NT5C1B: variants seen among roughly 807,000 people sequenced by gnomAD.
NT5C1B encodes the protein cytosolic 5'-nucleotidase 1B.
A neutral mutation model predicts 57.8 loss-of-function variants in NT5C1B; 44 were observed. That is an observed-to-expected ratio of 0.76 (90% CI 0.60 to 0.98). NT5C1B has a LOEUF of 0.98. NT5C1B is among the 50% of genes least tolerant of loss of function. The pLI, the probability that NT5C1B is intolerant of heterozygous loss-of-function variation, is 0.00. For missense variants in NT5C1B, 742 were observed against 719.5 expected, an observed-to-expected ratio of 1.03 and a Z score of -0.36; for synonymous variants, 284 against 282.6, an observed-to-expected ratio of 1.00 and a Z score of -0.05.
chr2:18,573,695 CT>C (rs2148117631), intron 8 of NT5C1B, among the ~76,000 whole-genome samples: 1 of 152,222 alleles, frequency 6.6e-6, no homozygotes, highest in South Asian at 2.1e-4. Context: ...AACCAACACC[CT>C]ACTAGCAACA....
At chr2:18,583,137 AT>A in intron 5 of NT5C1B, 140 bp from the exon 6 acceptor site, 1 of 1,142,366 alleles carries the variant, frequency 8.8e-7, no homozygotes, top group Non-Finnish European at 1.2e-6. Flanking sequence ...TTTAAGGAAG[AT>A]TTATCCCATG....
intron 8 of NT5C1B, among the ~76,000 whole-genome samples, chr2:18,568,502 G>C (rs951260927): frequency 1.3e-5 from 2 of 152,112 alleles, no homozygotes; most frequent in African/African-American, 4.8e-5. Context: ...TCTACACAAA[G>C]AAAGGAAGAT....
chr2:18,563,722 A>G, exon 9 of NT5C1B: 1 of 1,386,426 alleles, frequency 7.2e-7, no homozygotes, highest in East Asian at 2.4e-5. Context: ...ATACCTATCT[A>G]ATTATCCTAG....
intron 6 of NT5C1B, among the ~76,000 whole-genome samples, chr2:18,580,974 C>T (rs1268813665): frequency 6.6e-6 from 1 of 152,222 alleles, no homozygotes; most frequent in Admixed American, 6.5e-5. Context: ...GATTGAAAAA[C>T]TACCTATTGG....
At chr2:18,585,273 G>A in intron 3 of NT5C1B, 1 of 662,470 alleles carries the variant, frequency 1.5e-6, no homozygotes, top group Non-Finnish European at 2.8e-6. Context: ...CCCTTAGGCA[G>A]CTGACACATG....
Position 18,584,325 on chromosome 2 carries a change from G to C in NT5C1B, c.724-70C>G. 2 of 1,577,774 alleles carry C rather than the reference G, an allele frequency of 1.3e-6. No individual in the cohort carries two copies. Among genetic ancestry groups the C allele is most frequent in the Non-Finnish European group, 8.6e-7 (1 of 1,161,902 alleles). On this transcript the variant is annotated intron_variant, in intron 4 of 8. Transcript: ENST00000304081. The surrounding 1 kb of genome is among the most constrained non-coding windows in gnomAD (Gnocchi z 5.8). ...AGAGGACAGGGTTGGGGCTCCTCCA[G>C]GGTAGGGTGAGAGTAGGACAGCGGG...
chr2:18,582,867 C>T lies in NT5C1B; in HGVS notation c.1021+1G>A. On this transcript the variant is annotated splice_donor_variant, in intron 6 of 8. Transcript: ENST00000304081. LOFTEE classifies it high-confidence loss of function. ...TTCCACATGGTATTTATTTTACTTA[C>T]CGTAGTGATTGACGCTGTTTATAAG... is the stretch of plus-strand genomic sequence containing the variant. 1 of 1,613,032 alleles carries T rather than the reference C, an allele frequency of 6.2e-7. No individual in the cohort carries two copies. Among genetic ancestry groups the T allele is most frequent in the Non-Finnish European group, 8.5e-7 (1 of 1,179,524 alleles).
At chr2:18,567,782 G>A (rs1664777153) in intron 8 of NT5C1B, among the ~76,000 whole-genome samples, 1 of 152,154 alleles carries the variant, frequency 6.6e-6, no homozygotes, top group Non-Finnish European at 1.5e-5. Context: ...ACTAGACTTA[G>A]TAATGACCCA....
intron 6 of NT5C1B, among the ~76,000 whole-genome samples, chr2:18,581,351 G>T (rs1666168578): frequency 6.6e-6 from 1 of 151,906 alleles, no homozygotes; most frequent in Admixed American, 6.6e-5. Flanking sequence ...TCAGTTTAGG[G>T]TTATTTATAA....
chr2:18,566,663 C>G (rs1237271468), intron 8 of NT5C1B, among the ~76,000 whole-genome samples: 1 of 152,124 alleles, frequency 6.6e-6, no homozygotes, highest in Non-Finnish European at 1.5e-5. Flanking sequence ...ATCTCATTCT[C>G]TTTTACTTCT....
rs573959299 is a variant in NT5C1B at position 18,577,655 on chromosome 2, T to C, written c.1022-760A>G. On this transcript the variant is annotated intron_variant, in intron 6 of 8. Coordinates refer to ENST00000304081, the Ensembl canonical transcript of NT5C1B. ...AGCACGAAACACCTTCATTGAAAGTTAGAAAGATCACAAATTAACAACATA... is the reference window on the plus strand; with the variant it reads ...AGCACGAAACACCTTCATTGAAAGTCAGAAAGATCACAAATTAACAACATA... Among the ~76,000 whole-genome samples, 18 of 150,682 alleles carry C rather than the reference T, an allele frequency of 1.2e-4. No individual in the cohort carries two copies. In the East Asian group the frequency reaches 3.3e-3, roughly 28 times the overall value.
At chr2:18,582,458 A>G (rs1014139315) in intron 6 of NT5C1B, among the ~76,000 whole-genome samples, 1 of 152,238 alleles carries the variant, frequency 6.6e-6, no homozygotes, top group African/African-American at 2.4e-5. Flanking sequence ...GGGGACAATC[A>G]GATTTTAAGA....
chr2:18,567,061 A>C (rs1664707672), intron 8 of NT5C1B, among the ~76,000 whole-genome samples: 1 of 152,220 alleles, frequency 6.6e-6, no homozygotes, highest in Admixed American at 6.5e-5. Context: ...AGAGCATAGA[A>C]GCCCTAGGAT....
chr2:18,585,168 A>G, intron 3 of NT5C1B, 190 bp from the exon 4 acceptor site: 1 of 822,772 alleles, frequency 1.2e-6, no homozygotes, highest in Non-Finnish European at 2.1e-6. Flanking sequence ...AAACAGACAC[A>G]GAGACTGTCT....
exon 9 of NT5C1B, chr2:18,563,750 C>T: frequency 6.9e-7 from 1 of 1,447,816 alleles, no homozygotes; most frequent in East Asian, 2.3e-5. Context: ...AAAGAAGTGG[C>T]TTCTGTAACA....
chr2:18,578,939 G>C (rs1481038288), intron 6 of NT5C1B, among the ~76,000 whole-genome samples: 3 of 152,044 alleles, frequency 2.0e-5, no homozygotes, highest in African/African-American at 7.2e-5. Flanking sequence ...AATAACTTCA[G>C]CAGTTTCAGG....
chr2:18,578,627 A>C lies in NT5C1B; in HGVS notation c.1022-1732T>G, dbSNP rs144076469. On this transcript the variant is annotated intron_variant, in intron 6 of 8. Coordinates refer to ENST00000304081, the Ensembl canonical transcript of NT5C1B. ...ATCCTTTCATGTTAATCCCCTCCCC[A>C]AAAAAACCCTCAGCATCAAAGGAAC... Among the ~76,000 whole-genome samples the C allele has an allele frequency of 6.6e-5, 10 of 152,130 alleles. No individual in the cohort carries two copies. In the East Asian group the frequency reaches 1.7e-3, roughly 26 times the overall value.
chr2:18,569,240 G>C (rs915180918), intron 8 of NT5C1B, among the ~76,000 whole-genome samples: 3 of 152,012 alleles, frequency 2.0e-5, no homozygotes, highest in African/African-American at 7.2e-5. Context: ...AATTTTAAAT[G>C]AGTCATAAGC....
At chr2:18,587,474 C>A (rs772745934) in intron 2 of NT5C1B, 29 bp downstream of exon 2, 5 of 1,601,438 alleles carry the variant, frequency 3.1e-6, no homozygotes, top group Non-Finnish European at 3.4e-6. Context: ...TCCTTAATTT[C>A]CTCACCTCTG....
Sources: allele counts gnomAD v4.1 joint callset (sites outside exome capture counted in the v4.1 genomes callset), GRCh38; gene constraint gnomAD v4.1.1; non-coding constraint Gnocchi (gnomAD v3.1); transcripts MANE v1.5; gene names NCBI Gene and HGNC (gene_info 2026-07-23, HGNC 2026-07-21).